Variants in SORCS3 observed in about 807,000 individuals in gnomAD.
SORCS3 encodes the protein VPS10 domain-containing receptor SorCS3.
A neutral mutation model predicts 146.3 loss-of-function variants in SORCS3; 57 were observed. The ratio of observed to expected loss-of-function variants is 0.39; its 90% confidence interval spans 0.31 to 0.49. The LOEUF (loss-of-function observed/expected upper bound fraction) is 0.49, where lower values mean the gene tolerates loss of function less well. Among genes scored for constraint, SORCS3 ranks in the 20% least tolerant of loss-of-function variants. SORCS3 has a pLI of 0.92. For synonymous variants in SORCS3, 653 were observed against 618.5 expected, an observed-to-expected ratio of 1.06 and a Z score of -0.83; for missense variants, 1,341 against 1,575.5, an observed-to-expected ratio of 0.85 and a Z score of 2.52.
intron 1 of SORCS3, among the ~76,000 whole-genome samples, chr10:104,680,041 A>G (rs181264991): frequency 9.6e-4 from 146 of 152,338 alleles, no homozygotes; most frequent in Non-Finnish European, 1.7e-3. Flanking sequence ...GTCCTAAAGT[A>G]TGTAAAGGAG....
intron 1 of SORCS3, among the ~76,000 whole-genome samples, chr10:104,756,209 T>C (rs2017048884): frequency 6.6e-6 from 1 of 152,192 alleles, no homozygotes; most frequent in Non-Finnish European, 1.5e-5. Context: ...GGTGAACTAA[T>C]GGACAGCTGT....
chr10:104,956,571 C>T (rs2019492382), intron 3 of SORCS3, among the ~76,000 whole-genome samples: 2 of 152,020 alleles, frequency 1.3e-5, no homozygotes, highest in Admixed American at 1.3e-4. Flanking sequence ...CTCCTCTCAA[C>T]CCACCATGGT....
chr10:104,998,852 C>A (rs1011048240), intron 4 of SORCS3, among the ~76,000 whole-genome samples: 6 of 152,106 alleles, frequency 3.9e-5, no homozygotes, highest in African/African-American at 1.4e-4. Context: ...CGTTAAGTCA[C>A]AAGCTGGGGT....
intron 2 of SORCS3, among the ~76,000 whole-genome samples, chr10:104,873,037 A>G (rs2018534975): frequency 6.6e-6 from 1 of 152,210 alleles, no homozygotes; most frequent in South Asian, 2.1e-4. Context: ...CACACAGTAA[A>G]TGTGTCAAGA....
chr10:104,827,226 C>T lies in SORCS3; in HGVS notation c.628-15566C>T, dbSNP rs149685328. On this transcript the variant is annotated intron_variant, in intron 1 of 26. Transcript: ENST00000369701. ...TATGGAATAGTGAATCCTTTCCAGGCGGTTTTCAATTTACTTTGCTGAGAT... is the reference window on the plus strand; with the variant it reads ...TATGGAATAGTGAATCCTTTCCAGGTGGTTTTCAATTTACTTTGCTGAGAT... Among the ~76,000 whole-genome samples, 337 of 152,140 alleles carry T rather than the reference C, an allele frequency of 2.2e-3. 1 individual carries two copies. The highest frequency in any genetic ancestry group is 3.5e-3 in the Non-Finnish European group (238 of 67,996).
chr10:105,126,978 G>T (rs2055979777), intron 7 of SORCS3, among the ~76,000 whole-genome samples: 1 of 152,120 alleles, frequency 6.6e-6, no homozygotes, highest in Admixed American at 6.6e-5. Context: ...ACTCCATGAG[G>T]TGACAGCTCC....
intron 1 of SORCS3, chr10:104,665,710 A>AAACT (rs1285734939): frequency 2.0e-5 from 3 of 152,214 alleles, no homozygotes; most frequent in African/African-American, 7.2e-5. Flanking sequence ...TCCTTAGTAT[A>AAACT]AACTCTCCTC....
chr10:104,691,488 A>G (rs111849981), intron 1 of SORCS3, among the ~76,000 whole-genome samples: 17 of 152,308 alleles, frequency 1.1e-4, no homozygotes, highest in Non-Finnish European at 1.6e-4. Context: ...CATTCGCCCA[A>G]TGTGGGCCAT....
intron 7 of SORCS3, among the ~76,000 whole-genome samples, chr10:105,119,412 A>G (rs1051644860): frequency 6.6e-6 from 1 of 152,204 alleles, no homozygotes; most frequent in African/African-American, 2.4e-5. Flanking sequence ...GCGAGCCTCC[A>G]CATAGAGTCC....
In SORCS3 at chr10:105,229,520, T is replaced by C. The variant is rs552757038; in HGVS notation, c.2868+6271T>C. Among the ~76,000 whole-genome samples, 8 of 152,312 alleles carry C rather than the reference T, an allele frequency of 5.3e-5. No individual in the cohort carries two copies. The South Asian group carries it at 1.7e-3, about 32-fold the overall frequency. ...ATTTGCTTTTGTAGGGAGGGACTTT[T>C]TCCTGAAGATGTTTTTATGGTGTTG... On this transcript the variant is annotated intron_variant, in intron 20 of 26. Transcript: ENST00000369701.
intron 7 of SORCS3, among the ~76,000 whole-genome samples, chr10:105,107,171 A>C (rs2133754531): frequency 6.6e-6 from 1 of 152,314 alleles, no homozygotes; most frequent in East Asian, 1.9e-4. Context: ...CTACCAGGTC[A>C]GTCAAAGTCA....
At chr10:104,944,594 A>G (rs1333147335) in intron 3 of SORCS3, among the ~76,000 whole-genome samples, 1 of 152,214 alleles carries the variant, frequency 6.6e-6, no homozygotes, top group Admixed American at 6.5e-5. Context: ...TGAGCAATAA[A>G]CATTTGAAAA....
chr10:104,900,630 C>T (rs2018842208), intron 2 of SORCS3, among the ~76,000 whole-genome samples: 2 of 152,044 alleles, frequency 1.3e-5, no homozygotes, highest in Non-Finnish European at 2.9e-5. Context: ...GACGCTCACG[C>T]CTGTAATCCC....
chr10:104,726,462 G>T (rs1051921039), intron 1 of SORCS3, among the ~76,000 whole-genome samples: 3 of 152,120 alleles, frequency 2.0e-5, no homozygotes, highest in Admixed American at 6.5e-5. Flanking sequence ...GTTGGGTAAG[G>T]CCTGCGTGTG....
chr10:105,039,236 T>C (rs1476415350), intron 4 of SORCS3, among the ~76,000 whole-genome samples: 2 of 152,168 alleles, frequency 1.3e-5, no homozygotes, highest in South Asian at 4.1e-4. Flanking sequence ...CTCAGCAACT[T>C]ACTGCAGATT....
At chr10:105,123,096 G>T (rs1310412498) in intron 7 of SORCS3, among the ~76,000 whole-genome samples, 1 of 152,212 alleles carries the variant, frequency 6.6e-6, no homozygotes. Flanking sequence ...CAAAACTGTT[G>T]AAGACATTCC....
chr10:104,645,324 A>G (rs1589445307), intron 1 of SORCS3, among the ~76,000 whole-genome samples: 2 of 152,310 alleles, frequency 1.3e-5, no homozygotes, highest in African/African-American at 4.8e-5. Context: ...ACAGAAAAAC[A>G]CATTATTCTG....
intron 14 of SORCS3, among the ~76,000 whole-genome samples, chr10:105,188,776 C>T (rs2056495179): frequency 1.3e-5 from 2 of 152,138 alleles, no homozygotes; most frequent in South Asian, 4.1e-4. Context: ...AATCTGCAGG[C>T]ATTTTAGAAC....
At chr10:105,090,126 A>T (rs144074715) in intron 6 of SORCS3, among the ~76,000 whole-genome samples, 1 of 152,302 alleles carries the variant, frequency 6.6e-6, no homozygotes, top group East Asian at 1.9e-4. Flanking sequence ...TTGAAGAGGA[A>T]TGTCCATAAC....
Sources: allele counts gnomAD v4.1 joint callset (sites outside exome capture counted in the v4.1 genomes callset), GRCh38; gene constraint gnomAD v4.1.1; transcripts MANE v1.5; gene names NCBI Gene and HGNC (gene_info 2026-07-23, HGNC 2026-07-21).